The following LRP2 variants were observed in gnomAD, a reference collection of about 807,000 sequenced individuals.
LRP2 encodes the protein low-density lipoprotein receptor-related protein 2.
Under a neutral mutation model 531.0 loss-of-function variants are expected in LRP2, and 172 were observed. That is an observed-to-expected ratio of 0.32 (90% CI 0.29 to 0.37). The LOEUF (loss-of-function observed/expected upper bound fraction) is 0.37. Among genes scored for constraint, LRP2 ranks in the 10% least tolerant of loss-of-function variants. LRP2 has a pLI of 1.00. For missense variants in LRP2, 5,167 were observed against 5,868.3 expected (o/e 0.88, Z 3.90); for synonymous variants, 1,992 against 2,027.6 (o/e 0.98, Z 0.47).
chr2:169,357,126 C>A (rs978642479), intron 1 of LRP2, among the ~76,000 whole-genome samples: 2 of 151,958 alleles, frequency 1.3e-5, no homozygotes, highest in African/African-American at 4.8e-5. Context: ...CCAAAGGTTC[C>A]ATCAAGCTTA....
At chr2:169,239,033 C>G (rs1191647831) in intron 26 of LRP2, among the ~76,000 whole-genome samples, 2 of 152,198 alleles carry the variant, frequency 1.3e-5, no homozygotes, top group African/African-American at 4.8e-5. Context: ...AGACCCCATG[C>G]CCTGGACTCT....
chr2:169,223,248 A>G (rs1689081434), intron 33 of LRP2, among the ~76,000 whole-genome samples: 1 of 152,212 alleles, frequency 6.6e-6, no homozygotes, highest in Admixed American at 6.5e-5. Flanking sequence ...ATGTGGTTAA[A>G]GTGGCCTTAC....
At chr2:169,211,302 G>C (rs1488374064) in intron 37 of LRP2, among the ~76,000 whole-genome samples, 2 of 152,004 alleles carry the variant, frequency 1.3e-5, no homozygotes, top group Non-Finnish European at 2.9e-5. Context: ...TCCTAGCGAT[G>C]TTAGAAAACT....
At chr2:169,327,643 C>A (rs1396103148) in intron 1 of LRP2, among the ~76,000 whole-genome samples, 1 of 60,930 alleles carries the variant, frequency 1.6e-5, no homozygotes, top group Non-Finnish European at 3.3e-5. Flanking sequence ...CCAGCCACCC[C>A]GTCCGGGAGG....
chr2:169,220,466 T>C lies in LRP2; in HGVS notation c.5636A>G (p.Asp1879Gly). 6.2e-7 allele frequency: 1 copy of C among 1,613,164 alleles called. No homozygotes were observed. The highest frequency in any genetic ancestry group is 8.5e-7 in the Non-Finnish European group (1 of 1,179,234). ...TATGAATACTCACCCACGAGCAGGA[T>C]CAACAGTTATGCCAATTGGAAAGCC... ...GVGFPIGITV[D>G]PARGKLYWSD... Residue 1879 changes from aspartate to glycine, a missense_variant, in exon 34 of 79, where the codon GAT becomes GGT. Physicochemically the swap from Asp to Gly is moderately conservative, Grantham distance 94. Transcript: ENST00000649046.
At chr2:169,270,661 G>A (rs1683384258) in intron 16 of LRP2, among the ~76,000 whole-genome samples, 2 of 151,236 alleles carry the variant, frequency 1.3e-5, no homozygotes, top group Admixed American at 1.3e-4. Flanking sequence ...CATAAATGAC[G>A]AGTTAACGGG....
At chr2:169,291,375 G>T (rs559055470) in intron 7 of LRP2, among the ~76,000 whole-genome samples, 1 of 152,246 alleles carries the variant, frequency 6.6e-6, no homozygotes, top group Non-Finnish European at 1.5e-5. Flanking sequence ...ATTTGTGGTT[G>T]GGCTTTTTGA....
chr2:169,176,737 A>T (rs976971895), intron 53 of LRP2, 149 bp from the exon 54 acceptor site: 2 of 731,956 alleles, frequency 2.7e-6, no homozygotes, highest in African/African-American at 3.5e-5. Context: ...AAGTTCCTAA[A>T]TAAAACAGAT....
In LRP2 at chr2:169,307,378, A is replaced by G. The variant is rs763019736; in HGVS notation, c.330T>C (p.Ser110=). ...RQDCSQSTCS[S]HQITCSNGQC... ...GACCATTGGAGCATGTTATCTGATGACTTGAGCATGTACTTTGTGCTGCGA... is the reference window on the plus strand; with the variant it reads ...GACCATTGGAGCATGTTATCTGATGGCTTGAGCATGTACTTTGTGCTGCGA... Residue 110 remains serine, a synonymous_variant, in exon 4 of 79, where the codon AGT becomes AGC. Transcript: ENST00000649046. 1.9e-6 allele frequency: 3 copies of G among 1,611,644 alleles called. No individual in the cohort carries two copies. The highest frequency in any genetic ancestry group is 3.3e-4 in the Middle Eastern group (2 of 6,060).
intron 6 of LRP2, 42 bp downstream of exon 6, chr2:169,294,106 A>G (rs1261195917): frequency 2.2e-6 from 3 of 1,388,066 alleles, no homozygotes; most frequent in East Asian, 4.6e-5. Flanking sequence ...ACAAAACAAA[A>G]CACTCCCAAC....
chr2:169,338,026 G>A (rs1453835059), intron 1 of LRP2, among the ~76,000 whole-genome samples: 1 of 152,042 alleles, frequency 6.6e-6, no homozygotes, highest in East Asian at 1.9e-4. Context: ...AGGATCGCTT[G>A]CGCCCGGGAG....
At chr2:169,298,199 CATCATCAT>C (rs1684183259) in intron 4 of LRP2, among the ~76,000 whole-genome samples, 1 of 22,848 alleles carries the variant, frequency 4.4e-5, no homozygotes. Context: ...AAGCAATCAT[CATCATCAT>C]CATCATCATC....
chr2:169,343,311 A>G (rs1431010574), intron 1 of LRP2, among the ~76,000 whole-genome samples: 2 of 152,158 alleles, frequency 1.3e-5, no homozygotes, highest in East Asian at 1.9e-4. Context: ...GTCTTCCAAC[A>G]TTTTTTTGTC....
chr2:169,189,842 T>C (rs1687770462), intron 48 of LRP2, among the ~76,000 whole-genome samples: 2 of 151,438 alleles, frequency 1.3e-5, no homozygotes, highest in South Asian at 4.2e-4. Context: ...TCAAGGAAAT[T>C]CAGAAAGCTC....
In LRP2 at chr2:169,292,250, T is replaced by C; in HGVS notation, c.769+3A>G. ...TTCAGTAGGAATCTCTTCCCCTCCTTACCACATCCATCTTCATCTCCATTA... is the reference window on the plus strand; with the variant it reads ...TTCAGTAGGAATCTCTTCCCCTCCTCACCACATCCATCTTCATCTCCATTA... On this transcript the variant is annotated splice_donor_region_variant and intron_variant, in intron 7 of 78. Transcript: ENST00000649046. 6.3e-7 allele frequency: 1 copy of C among 1,593,758 alleles called. No individual in the cohort carries two copies. The highest frequency in any genetic ancestry group is 8.6e-7 in the Non-Finnish European group (1 of 1,161,366).
intron 36 of LRP2, 81 bp from the exon 37 acceptor site, chr2:169,212,288 C>A (rs1574138908): frequency 6.4e-7 from 1 of 1,560,026 alleles, no homozygotes; most frequent in East Asian, 2.2e-5. Context: ...ATTGGGTCAC[C>A]AAATAATTTA....
intron 1 of LRP2, among the ~76,000 whole-genome samples, chr2:169,355,338 A>T (rs367570633): frequency 1.8e-3 from 277 of 152,346 alleles, no homozygotes; most frequent in African/African-American, 6.3e-3. Context: ...CTTCACATAC[A>T]AAATGAAAAT....
chr2:169,351,710 C>A (rs955158978), intron 1 of LRP2, among the ~76,000 whole-genome samples: 4 of 152,106 alleles, frequency 2.6e-5, no homozygotes, highest in Non-Finnish European at 5.9e-5. Context: ...AAGTCCTAAG[C>A]TTGAGATTGG....
rs149621200 is a variant in LRP2, at chr2:169,212,113, A to G, written c.6135T>C (p.Cys2045=). 12 of 1,613,960 alleles carry G rather than the reference A, an allele frequency of 7.4e-6. 1 individual carries two copies. Among genetic ancestry groups the G allele is most frequent in the Non-Finnish European group, 9.3e-6 (11 of 1,179,956 alleles). Residue 2045 remains cysteine, a synonymous_variant, in exon 37 of 79, where the codon TGT becomes TGC. Transcript: ENST00000649046. ...CAGGATTGAGTTTAAATCCAGTGGC[A>G]CAGGCGCAGGAAAACAATCCTCCTG... is the stretch of plus-strand genomic sequence containing the variant. ...PVPGGLFSCA[C]ATGFKLNPDN...
Sources: allele counts gnomAD v4.1 joint callset (sites outside exome capture counted in the v4.1 genomes callset), GRCh38; gene constraint gnomAD v4.1.1; transcripts MANE v1.5; gene names NCBI Gene and HGNC (gene_info 2026-07-23, HGNC 2026-07-21).